The following RAF1 variants were observed in gnomAD, a reference collection of about 807,000 sequenced individuals.
RAF1 encodes Raf-1 proto-oncogene, serine/threonine kinase.
A neutral mutation model predicts 81.1 loss-of-function variants in RAF1; 27 were observed. The observed-to-expected ratio is 0.33, with a 90% CI of 0.25 to 0.46. The LOEUF (loss-of-function observed/expected upper bound fraction) is 0.46. RAF1 is among the 20% of genes least tolerant of loss of function. RAF1 has a pLI of 1.00. For synonymous variants in RAF1, 298 were observed against 294.0 expected (o/e 1.01, Z -0.14); for missense variants, 598 against 826.0 (o/e 0.72, Z 3.38).
chr3:12,598,953 C>CT (rs1266349497), intron 11 of RAF1, among the ~76,000 whole-genome samples: 1 of 152,064 alleles, frequency 6.6e-6, no homozygotes, highest in South Asian at 2.1e-4. Flanking sequence ...GAAGAGATGA[C>CT]TTTTTGGGAA....
chr3:12,615,473 G>A (rs1451715405), intron 2 of RAF1, among the ~76,000 whole-genome samples: 1 of 152,120 alleles, frequency 6.6e-6, no homozygotes, highest in Non-Finnish European at 1.5e-5. Flanking sequence ...AGTCATTCTG[G>A]GTTCAGGAAG....
chr3:12,645,391 GA>G (rs1161467087), intron 1 of RAF1, among the ~76,000 whole-genome samples: 5 of 151,682 alleles, frequency 3.3e-5, no homozygotes, highest in Admixed American at 1.3e-4. Context: ...TTTTGATGAA[GA>G]AAAAAAGTAA....
At chr3:12,635,904 T>C (rs1461516822) in intron 1 of RAF1, among the ~76,000 whole-genome samples, 1 of 137,254 alleles carries the variant, frequency 7.3e-6, no homozygotes, top group Non-Finnish European at 1.6e-5. Context: ...ACCCATGAGG[T>C]AGAGCTTGCA....
At chr3:12,652,562 C>G (rs977822645) in intron 1 of RAF1, among the ~76,000 whole-genome samples, 13 of 151,784 alleles carry the variant, frequency 8.6e-5, no homozygotes, top group Non-Finnish European at 1.6e-4. Context: ...ACTTACAGAC[C>G]ATACATAACA....
intron 1 of RAF1, among the ~76,000 whole-genome samples, chr3:12,621,777 A>C (rs2059563247): frequency 6.6e-6 from 1 of 152,242 alleles, no homozygotes; most frequent in African/African-American, 2.4e-5. Flanking sequence ...GTGATAAATA[A>C]AGTAGATCCA....
intron 1 of RAF1, among the ~76,000 whole-genome samples, chr3:12,632,107 C>T (rs1190828562): frequency 6.7e-6 from 1 of 150,162 alleles, no homozygotes; most frequent in African/African-American, 2.5e-5. Context: ...GCAGGGGGAT[C>T]ATGAGGTCAG....
intron 2 of RAF1, among the ~76,000 whole-genome samples, chr3:12,615,416 GC>G (rs1375168109): frequency 7.2e-5 from 11 of 152,146 alleles, no homozygotes; most frequent in African/African-American, 2.7e-4. Flanking sequence ...ATGGATACAT[GC>G]TGAAATCAGT....
chr3:12,663,965 C>G lies in RAF1; in HGVS notation c.-179G>C, dbSNP rs951569890. On this transcript the variant is annotated 5_prime_UTR_variant, in exon 1 of 18. Coordinates refer to ENST00000442415, the MANE Select transcript of RAF1 (RefSeq NM_001354689.3). ...GCCCCGAGCAGCCCCCGCATCGTAG[C>G]AAACGCGCTCCGCGCCTCAGGGCAC... The G allele has an allele frequency of 5.0e-6, 2 of 398,500 alleles. No individual in the cohort carries two copies. The highest frequency in any genetic ancestry group is 4.4e-5 in the Admixed American group (1 of 22,740). 24.7% of individuals were successfully genotyped at this position (398,500 alleles called of 1,614,324 possible).
chr3:12,635,453 A>G (rs935381239), intron 1 of RAF1, among the ~76,000 whole-genome samples: 2 of 150,842 alleles, frequency 1.3e-5, no homozygotes, highest in Non-Finnish European at 3.0e-5. Flanking sequence ...CCTAGCCAAC[A>G]TGGTGAAACC....
intron 1 of RAF1, among the ~76,000 whole-genome samples, chr3:12,633,606 G>A (rs1186304191): frequency 6.7e-6 from 1 of 148,696 alleles, no homozygotes; most frequent in South Asian, 2.1e-4. Flanking sequence ...CAATAATGGA[G>A]GACCAGATTC....
In RAF1 at chr3:12,608,897, G is replaced by A; in HGVS notation, c.450C>T (p.Ala150=). 6.2e-7 allele frequency: 1 copy of A among 1,614,140 alleles called. No homozygotes were observed. Among genetic ancestry groups the A allele is most frequent in the Non-Finnish European group, 8.5e-7 (1 of 1,180,036 alleles). ...GGAATTTCTGACAGATGTCACAGAA[G>A]GCAAGCTTCAGGAACGTCTTCCGAG... The change falls in exon 5 of 18, where the codon GCC becomes GCT. Residue 150 remains alanine (A), a synonymous_variant. Coordinates refer to ENST00000442415, the MANE Select transcript of RAF1 (RefSeq NM_001354689.3).
At position 12,600,375 on chromosome 3, in the gene RAF1, T is replaced by G. The variant is rs1343289655; in HGVS notation, c.922+13A>C. 5 of 1,614,104 alleles carry G rather than the reference T, an allele frequency of 3.1e-6. No homozygotes were observed. Among genetic ancestry groups the G allele is most frequent in the Admixed American group, 1.7e-5 (1 of 60,012 alleles). ...AGCCCATTATTGTTGGCTAAATGAC[T>G]ATGGAAAAGTACCTGATTCGCTGTG... On this transcript the variant is annotated intron_variant, in intron 9 of 17. Coordinates refer to ENST00000442415, the MANE Select transcript of RAF1 (RefSeq NM_001354689.3).
intron 6 of RAF1, among the ~76,000 whole-genome samples, chr3:12,605,530 G>A (rs6442319): frequency 0.21 from 32,169 of 151,972 alleles, 3,665 homozygotes; most frequent in African/African-American, 0.29. Flanking sequence ...CATCTGCCTC[G>A]GCCTCCCAAA....
chr3:12,591,367 CTCAG>C (rs2058509962), intron 12 of RAF1, among the ~76,000 whole-genome samples: 1 of 151,926 alleles, frequency 6.6e-6, no homozygotes, highest in Admixed American at 6.6e-5. Flanking sequence ...AATAAGGCAA[CTCAG>C]CTATAAAAAA....
Position 12,624,822 on chromosome 3 carries a change from G to A in RAF1, c.-26-6075C>T, listed in dbSNP as rs1476733693. Among the ~76,000 whole-genome samples the A allele has an allele frequency of 2.0e-5, 3 of 149,344 alleles. No individual in the cohort carries two copies. In the Admixed American group the frequency reaches 2.0e-4, roughly 10 times the overall value. ...AATTGCTTGAACCCAGGAGGTGGAGGCTGCAGTGAGCCGAGATTGCGCCAC... is the reference window on the plus strand; with the variant it reads ...AATTGCTTGAACCCAGGAGGTGGAGACTGCAGTGAGCCGAGATTGCGCCAC... On this transcript the variant is annotated intron_variant, in intron 1 of 17. Coordinates refer to ENST00000442415, the MANE Select transcript of RAF1 (RefSeq NM_001354689.3).
intron 1 of RAF1, among the ~76,000 whole-genome samples, chr3:12,644,794 T>A (rs1379928848): frequency 6.6e-6 from 1 of 152,132 alleles, no homozygotes; most frequent in African/African-American, 2.4e-5. Context: ...TCAAATACTA[T>A]ATTTCACTCA....
chr3:12,640,964 A>G (rs1360088720), intron 1 of RAF1, among the ~76,000 whole-genome samples: 5 of 152,186 alleles, frequency 3.3e-5, no homozygotes, highest in Non-Finnish European at 2.9e-5. Context: ...GAACCAACCC[A>G]AATGTCCATC....
intron 8 of RAF1, among the ~76,000 whole-genome samples, chr3:12,602,526 ATT>A (rs879562318): frequency 8.6e-5 from 13 of 150,872 alleles, no homozygotes; most frequent in African/African-American, 2.7e-4. Context: ...TAATTTTTAC[ATT>A]TTTTTTTGTA....
At chr3:12,627,617 A>C (rs750216635) in intron 1 of RAF1, among the ~76,000 whole-genome samples, 1 of 152,174 alleles carries the variant, frequency 6.6e-6, no homozygotes, top group Non-Finnish European at 1.5e-5. Context: ...TCTGGTCGAC[A>C]TTATTTCTGA....
Sources: gnomAD v4.1 joint callset for allele counts (sites outside exome capture counted in the v4.1 genomes callset) on GRCh38, gnomAD v4.1.1 for gene constraint, MANE v1.5 for transcripts, NCBI Gene and HGNC (gene_info 2026-07-23, HGNC 2026-07-21) for gene names.